The following SNX9 variants were observed in gnomAD, a reference collection of about 807,000 sequenced individuals.
SNX9 encodes the protein sorting nexin 9.
Under a neutral mutation model 89.4 loss-of-function variants are expected in SNX9, and 44 were observed. The ratio of observed to expected loss-of-function variants is 0.49; its 90% confidence interval spans 0.39 to 0.63. SNX9 has a LOEUF of 0.63. Among genes scored for constraint, SNX9 ranks in the 30% least tolerant of loss-of-function variants. The pLI, the probability that SNX9 is intolerant of heterozygous loss-of-function variation, is 0.00. For synonymous variants in SNX9, 236 were observed against 247.8 expected, an observed-to-expected ratio of 0.95 and a Z score of 0.45; for missense variants, 578 against 736.1, an observed-to-expected ratio of 0.79 and a Z score of 2.49.
At chr6:157,836,813 G>T (rs544884736) in intron 1 of SNX9, among the ~76,000 whole-genome samples, 1 of 151,906 alleles carries the variant, frequency 6.6e-6, no homozygotes, top group African/African-American at 2.4e-5. Flanking sequence ...GGATGGTCTC[G>T]ATCTCCTGAC....
At chr6:157,862,958 A>C (rs1583204950) in intron 1 of SNX9, among the ~76,000 whole-genome samples, 1 of 152,224 alleles carries the variant, frequency 6.6e-6, no homozygotes, top group African/African-American at 2.4e-5. Context: ...GTAACAGAGA[A>C]GTCTTCCATG....
At chr6:157,906,495 A>AC (rs1783219905) in intron 7 of SNX9, among the ~76,000 whole-genome samples, 1 of 152,160 alleles carries the variant, frequency 6.6e-6, no homozygotes, top group African/African-American at 2.4e-5. Flanking sequence ...TGTATTTTAC[A>AC]TAGTTTTTCT....
At chr6:157,886,015 C>T (rs1471687755) in intron 4 of SNX9, among the ~76,000 whole-genome samples, 1 of 152,194 alleles carries the variant, frequency 6.6e-6, no homozygotes, top group African/African-American at 2.4e-5. Flanking sequence ...CCTTCGAGGC[C>T]TGATGTAGTT....
intron 15 of SNX9, 57 bp downstream of exon 15, chr6:157,937,580 C>T (rs376685189): frequency 3.7e-5 from 42 of 1,137,826 alleles, no homozygotes; most frequent in East Asian, 3.1e-4. Flanking sequence ...GGCAGATGTG[C>T]GCAGTAGTCA....
At chr6:157,849,167 G>A (rs1373406332) in intron 1 of SNX9, among the ~76,000 whole-genome samples, 3 of 152,206 alleles carry the variant, frequency 2.0e-5, no homozygotes, top group South Asian at 4.1e-4. Flanking sequence ...GGTAAGAATT[G>A]TAAGTGATAA....
chr6:157,877,602 T>C (rs920362800), intron 4 of SNX9, among the ~76,000 whole-genome samples: 1 of 152,214 alleles, frequency 6.6e-6, no homozygotes, highest in African/African-American at 2.4e-5. Context: ...GCTTTCATTT[T>C]CTGAATGCGG....
chr6:157,913,801 A>T (rs949460624), intron 9 of SNX9, among the ~76,000 whole-genome samples: 10 of 152,230 alleles, frequency 6.6e-5, no homozygotes, highest in African/African-American at 2.2e-4. Flanking sequence ...ACACATTTGC[A>T]ATTCAATCAT....
At position 157,853,567 on chromosome 6, in the gene SNX9, A is replaced by G. The variant is rs573820274; in HGVS notation, c.13-13980A>G. On this transcript the variant is annotated intron_variant, in intron 1 of 17. Coordinates refer to ENST00000392185, the MANE Select transcript of SNX9 (RefSeq NM_016224.5). ...TCCATCATTCTGGGATTTGAATTAC[A>G]TGTATACAGTAACTGTTGTTGTTTC... Among the ~76,000 whole-genome samples the G allele has an allele frequency of 2.6e-5, 4 of 152,218 alleles. No individual in the cohort carries two copies. The South Asian group carries it at 6.2e-4, about 24-fold the overall frequency.
intron 2 of SNX9, among the ~76,000 whole-genome samples, chr6:157,869,958 A>G (rs186843113): frequency 1.3e-5 from 2 of 151,392 alleles, no homozygotes; most frequent in Non-Finnish European, 2.9e-5. Context: ...ATACTCTTTC[A>G]CGTGTGCACT....
intron 9 of SNX9, among the ~76,000 whole-genome samples, chr6:157,913,127 T>C (rs1783384485): frequency 6.6e-6 from 1 of 152,106 alleles, no homozygotes; most frequent in African/African-American, 2.4e-5. Context: ...AGGAGGTGAA[T>C]TGTCTTTTTT....
At chr6:157,902,622 T>A (rs1783129380) in intron 6 of SNX9, among the ~76,000 whole-genome samples, 1 of 152,138 alleles carries the variant, frequency 6.6e-6, no homozygotes, top group Non-Finnish European at 1.5e-5. Context: ...AGCTTTGTGT[T>A]AGCTTAGGTT....
At chr6:157,926,423 A>G (rs929221371) in intron 10 of SNX9, among the ~76,000 whole-genome samples, 1 of 152,164 alleles carries the variant, frequency 6.6e-6, no homozygotes, top group Non-Finnish European at 1.5e-5. Context: ...TCTGTCTTAT[A>G]TTTTAGAAAA....
At chr6:157,927,837 C>T (rs893731076) in intron 11 of SNX9, among the ~76,000 whole-genome samples, 3 of 150,612 alleles carry the variant, frequency 2.0e-5, no homozygotes, top group African/African-American at 7.4e-5. Context: ...CGCCATTCTC[C>T]TGCCTCAGCC....
intron 1 of SNX9, among the ~76,000 whole-genome samples, chr6:157,851,945 C>G (rs1471360589): frequency 6.6e-6 from 1 of 152,164 alleles, no homozygotes; most frequent in Non-Finnish European, 1.5e-5. Context: ...CAAGGTTCGT[C>G]TGTAATGTAG....
At chr6:157,838,223 G>A (rs1781622842) in intron 1 of SNX9, among the ~76,000 whole-genome samples, 1 of 151,802 alleles carries the variant, frequency 6.6e-6, no homozygotes, top group Admixed American at 6.6e-5. Flanking sequence ...ATGTTGCCCA[G>A]GCTGGTCTTG....
At chr6:157,834,444 T>C (rs1464726803) in intron 1 of SNX9, among the ~76,000 whole-genome samples, 1 of 151,482 alleles carries the variant, frequency 6.6e-6, no homozygotes, top group Non-Finnish European at 1.5e-5. Flanking sequence ...ACTCCTGGGC[T>C]TAAGTGATTC....
At chr6:157,877,192 G>A (rs780310920) in intron 4 of SNX9, among the ~76,000 whole-genome samples, 8 of 151,188 alleles carry the variant, frequency 5.3e-5, no homozygotes, top group Non-Finnish European at 1.2e-4. Flanking sequence ...TATATTCCTT[G>A]GTATTTACTT....
chr6:157,905,060 T>C (rs1783182292), intron 6 of SNX9, among the ~76,000 whole-genome samples: 1 of 152,248 alleles, frequency 6.6e-6, no homozygotes, highest in Non-Finnish European at 1.5e-5. Flanking sequence ...CATTCTGGTC[T>C]CATTCTTCCA....
At position 157,882,782 on chromosome 6, in the gene SNX9, C is replaced by T. The variant is rs182894027; in HGVS notation, c.300+7606C>T. 2.0e-5 allele frequency among the ~76,000 whole-genome samples: 3 copies of T among 152,292 alleles called. No homozygotes were observed. In the East Asian group the frequency reaches 5.8e-4, roughly 29 times the overall value. On this transcript the variant is annotated intron_variant, in intron 4 of 17. Coordinates refer to ENST00000392185, the MANE Select transcript of SNX9 (RefSeq NM_016224.5). ...TAAAACTTGAACAGATGAGGAGTTG[C>T]TTCTTATGGATGAGCAAAGAAAGTG...
Sources: allele counts gnomAD v4.1 joint callset (sites outside exome capture counted in the v4.1 genomes callset), GRCh38; gene constraint gnomAD v4.1.1; transcripts MANE v1.5; gene names NCBI Gene and HGNC (gene_info 2026-07-23, HGNC 2026-07-21).